The following WDR17 variants were observed in gnomAD, a reference collection of about 807,000 sequenced individuals.
The protein encoded by WDR17 is WD repeat-containing protein 17.
Under a neutral mutation model 161.7 loss-of-function variants are expected in WDR17, and 143 were observed. The ratio of observed to expected loss-of-function variants is 0.88; its 90% CI spans 0.77 to 1.02. WDR17 has a LOEUF of 1.02. Among genes scored for constraint, WDR17 ranks in the 50% least tolerant of loss-of-function variants. WDR17 has a pLI of 0.00. For missense variants in WDR17, 1,469 were observed against 1,520.9 expected (o/e 0.97, Z 0.57); for synonymous variants, 517 against 515.6 (o/e 1.00, Z -0.04).
chr4:176,096,940 A>G (rs539566815), intron 1 of WDR17, among the ~76,000 whole-genome samples: 2 of 152,030 alleles, frequency 1.3e-5, no homozygotes, highest in East Asian at 3.9e-4. Context: ...ATTTCATGAA[A>G]CAGAAGATAA....
intron 16 of WDR17, 26 bp from the exon 17 acceptor site, chr4:176,151,785 TA>T (rs1747161186): frequency 1.3e-6 from 2 of 1,541,022 alleles, no homozygotes; most frequent in Non-Finnish European, 1.7e-6. Flanking sequence ...CAAATTTTTT[TA>T]AATTCTATTT....
chr4:176,085,732 G>A (rs1267619740), intron 1 of WDR17, among the ~76,000 whole-genome samples: 2 of 151,978 alleles, frequency 1.3e-5, no homozygotes, highest in Non-Finnish European at 2.9e-5. Context: ...TGATATAAGG[G>A]AAGCAGTGTT....
At chr4:176,133,356 A>T (rs773876620) in intron 7 of WDR17, among the ~76,000 whole-genome samples, 1 of 141,926 alleles carries the variant, frequency 7.0e-6, no homozygotes, top group Non-Finnish European at 1.5e-5. Flanking sequence ...CTTAAATAAA[A>T]ATCTGGGTCT....
intron 1 of WDR17, among the ~76,000 whole-genome samples, chr4:176,069,056 CA>C (rs1446270020): frequency 6.6e-6 from 1 of 152,062 alleles, no homozygotes; most frequent in Non-Finnish European, 1.5e-5. Context: ...ATGCTTAAAG[CA>C]TGGGCTGTCA....
chr4:176,159,010 C>T (rs1276283652), intron 18 of WDR17, among the ~76,000 whole-genome samples: 1 of 152,056 alleles, frequency 6.6e-6, no homozygotes, highest in Non-Finnish European at 1.5e-5. Flanking sequence ...AGGAATACTT[C>T]GATGACTCTA....
At chr4:176,152,314 A>AAAAAAAAAAAAAAAAAC (rs1747289613) in intron 17 of WDR17, among the ~76,000 whole-genome samples, 1 of 124,014 alleles carries the variant, frequency 8.1e-6, no homozygotes, top group Non-Finnish European at 1.7e-5. Context: ...AAAAAAAAAA[A>AAAAAAAAAAAAAAAAAC]GCCTGAGCGT....
At chr4:176,102,766 A>G (rs769161612) in intron 1 of WDR17, among the ~76,000 whole-genome samples, 10 of 152,180 alleles carry the variant, frequency 6.6e-5, no homozygotes, top group Non-Finnish European at 1.3e-4. Context: ...TTATTTTGTA[A>G]TACCAGAATC....
At chr4:176,161,037 T>C in intron 20 of WDR17, 35 bp downstream of exon 20, 1 of 1,549,398 alleles carries the variant, frequency 6.5e-7, no homozygotes, top group Non-Finnish European at 8.8e-7. Context: ...CCATATGTTT[T>C]ATGGTTGTCT....
chr4:176,144,755 T>A (rs963355255), intron 11 of WDR17, among the ~76,000 whole-genome samples: 3 of 152,156 alleles, frequency 2.0e-5, no homozygotes, highest in Non-Finnish European at 2.9e-5. Flanking sequence ...TCTTAGTAGG[T>A]AAGTGAACCT....
At position 176,163,170 on chromosome 4, in the gene WDR17, T is replaced by C. The variant is rs768885320; in HGVS notation, c.2867T>C (p.Leu956Pro). 1.7e-5 allele frequency: 28 copies of C among 1,614,124 alleles called. No individual in the cohort carries two copies. In the Admixed American group the frequency reaches 4.7e-4, roughly 27 times the overall value. ...TTGAGCAAGCTTGCTATGGCATACCTGATTCGCGGAAATGAACTGGAGTTG... is the reference window on the plus strand; with the variant it reads ...TTGAGCAAGCTTGCTATGGCATACCCGATTCGCGGAAATGAACTGGAGTTG... ...IDNIELAMAYLIRGNELELAV... is the reference protein window; with the variant it reads ...IDNIELAMAYPIRGNELELAV... Residue 956 changes from leucine to proline, a missense_variant, in exon 22 of 29, where the codon CTG (leucine) becomes CCG (proline). Leu to Pro is a moderately conservative substitution (Grantham distance 98). Coordinates refer to ENST00000508596, the MANE Select transcript of WDR17 (RefSeq NM_181265.4).
chr4:176,079,683 C>T (rs1008782518), intron 1 of WDR17, among the ~76,000 whole-genome samples: 1 of 151,968 alleles, frequency 6.6e-6, no homozygotes, highest in African/African-American at 2.4e-5. Flanking sequence ...CAAAAGAATA[C>T]CTGAAACTGG....
chr4:176,082,116 T>C (rs907260028), intron 1 of WDR17, among the ~76,000 whole-genome samples: 1 of 152,148 alleles, frequency 6.6e-6, no homozygotes, highest in African/African-American at 2.4e-5. Flanking sequence ...CTTTAGTTCC[T>C]GGCCATGATT....
intron 23 of WDR17, among the ~76,000 whole-genome samples, chr4:176,170,713 G>T (rs1032830775): frequency 6.6e-6 from 1 of 152,136 alleles, no homozygotes; most frequent in Non-Finnish European, 1.5e-5. Context: ...TATTCACCTC[G>T]TCTTTTCATC....
rs188297135 is a variant in WDR17, at chr4:176,095,595, C to A, written c.-6-15980C>A. ...ACTCAAATTACAAACATTGTAATTT[C>A]CCCCCTCCCCTACCCTCCTTCCTTC... On this transcript the variant is annotated intron_variant, in intron 1 of 28. Coordinates refer to ENST00000508596, the MANE Select transcript of WDR17 (RefSeq NM_181265.4). 3.2e-4 allele frequency among the ~76,000 whole-genome samples: 48 copies of A among 151,962 alleles called. No individual in the cohort carries two copies. In the East Asian group the frequency reaches 8.9e-3, roughly 28 times the overall value.
chr4:176,173,510 GT>G, intron 25 of WDR17, 141 bp downstream of exon 25: 1 of 555,916 alleles, frequency 1.8e-6, no homozygotes, highest in Non-Finnish European at 3.1e-6. Flanking sequence ...ATTTTTGTTT[GT>G]TATATATTTT....
intron 17 of WDR17, among the ~76,000 whole-genome samples, chr4:176,154,568 A>T (rs189232747): frequency 6.6e-6 from 1 of 152,208 alleles, no homozygotes; most frequent in African/African-American, 2.4e-5. Context: ...TTTTAAGCTT[A>T]TCTATTAGAC....
intron 9 of WDR17, among the ~76,000 whole-genome samples, chr4:176,138,231 T>C (rs1417734203): frequency 1.3e-5 from 2 of 151,750 alleles, no homozygotes; most frequent in African/African-American, 4.8e-5. Flanking sequence ...TAAGATTGTC[T>C]GTGTCTTGAA....
At chr4:176,139,336 A>G (rs1215587463) in intron 9 of WDR17, among the ~76,000 whole-genome samples, 29 of 151,970 alleles carry the variant, frequency 1.9e-4, no homozygotes, top group Admixed American at 1.8e-3. Flanking sequence ...TCTATTAACT[A>G]TATCCCCTGG....
chr4:176,086,433 CT>C lies in WDR17; in HGVS notation c.-7+20361del, dbSNP rs543560286. Among the ~76,000 whole-genome samples, 478 of 151,816 alleles carry C rather than the reference CT, an allele frequency of 3.1e-3. 1 individual carries two copies. The highest frequency in any genetic ancestry group is 0.011 in the African/African-American group (446 of 41,478). The stretch of plus-strand genomic sequence containing the variant: ...ATAGTTTTCCTTTAATTGTGTCATT[CT>C]TTTTTTGTCATTCTTGCTTTATATA... On this transcript the variant is annotated intron_variant, in intron 1 of 28. Coordinates refer to ENST00000508596, the MANE Select transcript of WDR17 (RefSeq NM_181265.4).
Sources: gnomAD v4.1 joint callset for allele counts (sites outside exome capture counted in the v4.1 genomes callset) on GRCh38, gnomAD v4.1.1 for gene constraint, MANE v1.5 for transcripts, NCBI Gene and HGNC (gene_info 2026-07-23, HGNC 2026-07-21) for gene names.